The following C20orf203 variants were observed in gnomAD, a reference collection of about 807,000 sequenced individuals.
The protein encoded by C20orf203 is chromosome 20 open reading frame 203.
Under a neutral mutation model 15.9 loss-of-function variants are expected in C20orf203, and 16 were observed. That is an observed-to-expected ratio of 1.01 (90% confidence interval 0.68 to 1.53). C20orf203 has a LOEUF of 1.53. Ranked by LOEUF, C20orf203 falls within the 40% of genes most tolerant of loss-of-function variation. C20orf203 has a pLI of 0.00. For missense variants in C20orf203, 263 were observed against 247.5 expected (o/e 1.06, Z -0.42); for synonymous variants, 98 against 97.2 (o/e 1.01, Z -0.05).
At chr20:32,661,538 T>C (rs1177913954) in intron 1 of C20orf203, among the ~76,000 whole-genome samples, 5 of 152,140 alleles carry the variant, frequency 3.3e-5, no homozygotes, top group Non-Finnish European at 5.9e-5. Flanking sequence ...GCAGAATTTC[T>C]CTGGAAAGAC....
chr20:32,654,080 GAAAA>G (rs71338449), intron 1 of C20orf203, among the ~76,000 whole-genome samples: 1 of 132,742 alleles, frequency 7.5e-6, no homozygotes. Flanking sequence ...GTGATGGAGC[GAAAA>G]AAAAAAAAAG....
At chr20:32,647,876 G>A (rs1190662222) in intron 4 of C20orf203, among the ~76,000 whole-genome samples, 2 of 152,196 alleles carry the variant, frequency 1.3e-5, no homozygotes, top group African/African-American at 4.8e-5. Flanking sequence ...ACCCACGGCA[G>A]GGGGCGTCGC....
At chr20:32,671,396 T>G (rs184986969) in intron 1 of C20orf203, among the ~76,000 whole-genome samples, 12 of 152,310 alleles carry the variant, frequency 7.9e-5, no homozygotes, top group Admixed American at 2.6e-4. Context: ...GGATGAACTT[T>G]GATGACTTTA....
intron 1 of C20orf203, among the ~76,000 whole-genome samples, chr20:32,654,977 A>G (rs1383847397): frequency 2.0e-5 from 3 of 152,222 alleles, no homozygotes; most frequent in Non-Finnish European, 4.4e-5. Flanking sequence ...AATGAAATAT[A>G]AATAAGAGTC....
intron 1 of C20orf203, among the ~76,000 whole-genome samples, chr20:32,663,820 A>T (rs1327264979): frequency 6.6e-6 from 1 of 152,158 alleles, no homozygotes; most frequent in African/African-American, 2.4e-5. Context: ...CCTGCACCAC[A>T]CTGTCCCCGG....
At chr20:32,668,494 C>T (rs1022363740) in intron 1 of C20orf203, among the ~76,000 whole-genome samples, 2 of 151,774 alleles carry the variant, frequency 1.3e-5, no homozygotes, top group South Asian at 2.1e-4. Flanking sequence ...GGCGTGGTGG[C>T]GGGTGCCTGC....
intron 1 of C20orf203, among the ~76,000 whole-genome samples, chr20:32,670,499 T>C (rs538670746): frequency 1.4e-5 from 2 of 147,620 alleles, no homozygotes; most frequent in Admixed American, 1.4e-4. Context: ...AGAGAAAGAC[T>C]CCGTCTCAAA....
intron 1 of C20orf203, among the ~76,000 whole-genome samples, chr20:32,661,780 C>A (rs1022550250): frequency 1.3e-5 from 2 of 152,102 alleles, no homozygotes; most frequent in Non-Finnish European, 2.9e-5. Flanking sequence ...GGTTGGAGAC[C>A]CAGCAGAGGC....
intron 1 of C20orf203, among the ~76,000 whole-genome samples, chr20:32,670,808 G>A (rs1187478305): frequency 1.3e-5 from 2 of 151,340 alleles, no homozygotes; most frequent in Admixed American, 1.3e-4. Flanking sequence ...TTCCAGCCTG[G>A]GCGAGACTCC....
intron 1 of C20orf203, among the ~76,000 whole-genome samples, chr20:32,667,240 G>A (rs568625028): frequency 3.9e-5 from 6 of 152,164 alleles, no homozygotes; most frequent in Non-Finnish European, 2.9e-5. Context: ...CTTCGAGGTC[G>A]TGGGAGGGCT....
intron 1 of C20orf203, among the ~76,000 whole-genome samples, chr20:32,661,703 GGGGT>G (rs1322718090): frequency 6.6e-6 from 1 of 152,140 alleles, no homozygotes; most frequent in East Asian, 1.9e-4. Context: ...GCTGTGCAAA[GGGGT>G]CATCTGGACT....
rs1982065765 is a variant in C20orf203, at chr20:32,633,801, C to T, written c.*1769G>A. On this transcript the variant is annotated 3_prime_UTR_variant, in exon 6 of 6. Coordinates refer to ENST00000608990, the MANE Select transcript of C20orf203 (RefSeq NM_182584.4). ...CTGACAGCCCCCTCACCGCGTTGCA[C>T]TACCTGGTCCCCTGGTCCCAGCCTC... 5.2e-6 allele frequency: 2 copies of T among 381,066 alleles called. No homozygotes were observed. The highest frequency in any genetic ancestry group is 9.3e-6 in the Non-Finnish European group (2 of 215,562). 23.6% of individuals were successfully genotyped at this position (381,066 alleles called of 1,614,324 possible).
chr20:32,636,834 G>A (rs1381928449), intron 5 of C20orf203, among the ~76,000 whole-genome samples: 1 of 152,200 alleles, frequency 6.6e-6, no homozygotes, highest in Non-Finnish European at 1.5e-5. Flanking sequence ...ATTCATCCTG[G>A]TCTGCCCAGG....
In C20orf203 at chr20:32,650,617, T is replaced by TC; in HGVS notation, c.399dup (p.Arg134GlufsTer47). 6.9e-7 allele frequency: 1 copy of TC among 1,446,914 alleles called. No individual in the cohort carries two copies. The highest frequency in any genetic ancestry group is 9.5e-7 in the Non-Finnish European group (1 of 1,053,734). The allele number at this position is 1,446,914 out of a possible 1,614,324, so 89.6% of individuals were successfully genotyped here. A position where few individuals can be genotyped will look rare whatever the true frequency, so the allele number is the denominator to read the frequency against. ...ATTCTGGGCATCCCTCCCATTGCCC[T>TC]CCCCCGCCCAGCAGGGGCCCGCAGC... On this transcript the variant is annotated frameshift_variant, in exon 4 of 6. Transcript: ENST00000608990. LOFTEE classifies it high-confidence loss of function.
At chr20:32,654,576 C>T (rs1054235489) in intron 1 of C20orf203, among the ~76,000 whole-genome samples, 6 of 152,304 alleles carry the variant, frequency 3.9e-5, no homozygotes, top group Non-Finnish European at 8.8e-5. Flanking sequence ...GGCGTGGTAG[C>T]TTATGTCCGT....
At chr20:32,664,972 C>A (rs1982984752) in intron 1 of C20orf203, among the ~76,000 whole-genome samples, 1 of 152,218 alleles carries the variant, frequency 6.6e-6, no homozygotes, top group Admixed American at 6.5e-5. Flanking sequence ...CCGGAGCTGC[C>A]CCAGCAAAGC....
chr20:32,656,425 C>A (rs766324096), intron 1 of C20orf203, among the ~76,000 whole-genome samples: 10 of 152,136 alleles, frequency 6.6e-5, no homozygotes, highest in African/African-American at 9.7e-5. Context: ...GAAATCAGAA[C>A]CCTCATACAC....
chr20:32,665,107 C>T (rs1982987484), intron 1 of C20orf203, among the ~76,000 whole-genome samples: 1 of 152,244 alleles, frequency 6.6e-6, no homozygotes, highest in African/African-American at 2.4e-5. Flanking sequence ...AGACTTTGTG[C>T]CCTGGTTCTA....
At chr20:32,659,459 C>T (rs964983104) in intron 1 of C20orf203, among the ~76,000 whole-genome samples, 1 of 152,222 alleles carries the variant, frequency 6.6e-6, no homozygotes, top group African/African-American at 2.4e-5. Flanking sequence ...CATTTTATTT[C>T]CTCCTCCTGA....
Sources: gnomAD v4.1 joint callset for allele counts (sites outside exome capture counted in the v4.1 genomes callset) on GRCh38, gnomAD v4.1.1 for gene constraint, MANE v1.5 for transcripts, NCBI Gene and HGNC (gene_info 2026-07-23, HGNC 2026-07-21) for gene names.